Variants in TTC28 observed in about 807,000 individuals in gnomAD.
TTC28 encodes tetratricopeptide repeat protein 28.
Under a neutral mutation model 198.0 loss-of-function variants are expected in TTC28, and 61 were observed. The observed-to-expected ratio is 0.31, with a 90% confidence interval of 0.25 to 0.38. TTC28 has a LOEUF of 0.38. Ranked by LOEUF, TTC28 falls within the 10% of genes least tolerant of loss-of-function variation. The probability of loss-of-function intolerance (pLI) is 1.00; values close to 1 mark genes in which losing one functional copy is unlikely to be tolerated. For synonymous variants in TTC28, 1,171 were observed against 1,297.8 expected, an observed-to-expected ratio of 0.90 and a Z score of 2.10; for missense variants, 2,678 against 3,164.0, an observed-to-expected ratio of 0.85 and a Z score of 3.69.
At chr22:28,084,915 T>C (rs553305111) in intron 12 of TTC28, among the ~76,000 whole-genome samples, 4 of 152,220 alleles carry the variant, frequency 2.6e-5, no homozygotes, top group African/African-American at 9.6e-5. Context: ...GTATCAGTGA[T>C]GGAAGACGAA....
intron 12 of TTC28, among the ~76,000 whole-genome samples, chr22:28,036,429 A>G (rs1412058572): frequency 6.6e-6 from 1 of 152,242 alleles, no homozygotes; most frequent in Non-Finnish European, 1.5e-5. Context: ...CTGGGTACGT[A>G]ACAAAATGAA....
At chr22:28,133,082 G>C (rs1488227104) in intron 6 of TTC28, among the ~76,000 whole-genome samples, 1 of 152,200 alleles carries the variant, frequency 6.6e-6, no homozygotes, top group Non-Finnish European at 1.5e-5. Context: ...AATTAGCCAG[G>C]TGTGATGGCG....
intron 2 of TTC28, among the ~76,000 whole-genome samples, chr22:28,359,879 G>GA (rs1280696444): frequency 4.6e-5 from 7 of 152,100 alleles, no homozygotes; most frequent in Admixed American, 3.9e-4. Flanking sequence ...ACAGAGCTCA[G>GA]ATAGCTCCAT....
At chr22:28,646,220 A>G (rs2051464020) in intron 1 of TTC28, among the ~76,000 whole-genome samples, 1 of 152,180 alleles carries the variant, frequency 6.6e-6, no homozygotes, top group Non-Finnish European at 1.5e-5. Context: ...CAGGTTGCAA[A>G]ATCGATGTAC....
intron 12 of TTC28, among the ~76,000 whole-genome samples, chr22:28,053,039 T>C (rs1940145835): frequency 6.6e-6 from 1 of 152,268 alleles, no homozygotes; most frequent in Non-Finnish European, 1.5e-5. Context: ...TATTTGTTTC[T>C]AGGTTTACAA....
At chr22:28,660,154 C>A (rs1485202760) in intron 1 of TTC28, among the ~76,000 whole-genome samples, 1 of 152,156 alleles carries the variant, frequency 6.6e-6, no homozygotes, top group East Asian at 1.9e-4. Flanking sequence ...CTTTATTTCA[C>A]AAACCTGGTC....
rs1445614225 is a variant in TTC28, at chr22:27,981,017, A to C, written c.*1204T>G. 2.6e-5 allele frequency: 4 copies of C among 152,756 alleles called. No homozygotes were observed. The highest frequency in any genetic ancestry group is 9.6e-5 in the African/African-American group (4 of 41,476). 9.5% of individuals were successfully genotyped at this position (152,756 alleles called of 1,614,324 possible). On this transcript the variant is annotated 3_prime_UTR_variant, in exon 23 of 23. Transcript: ENST00000397906. ...TGGGGGAGGGGCCAGTCCTTCAGAC[A>C]GCAGGAGCACAGGAGGCTGGCCAGG...
chr22:28,262,929 G>A (rs1023383332), intron 5 of TTC28, among the ~76,000 whole-genome samples: 4 of 152,246 alleles, frequency 2.6e-5, no homozygotes, highest in African/African-American at 7.2e-5. Context: ...GAGTGGAAGC[G>A]AAGCTACAGA....
chr22:28,600,802 GCA>G (rs2050628001), intron 2 of TTC28, among the ~76,000 whole-genome samples: 1 of 152,140 alleles, frequency 6.6e-6, no homozygotes, highest in Non-Finnish European at 1.5e-5. Flanking sequence ...TCAACAATTT[GCA>G]GCTCTTAAAG....
chr22:28,512,827 T>C (rs1393938615), intron 2 of TTC28, among the ~76,000 whole-genome samples: 3 of 152,026 alleles, frequency 2.0e-5, no homozygotes, highest in Non-Finnish European at 2.9e-5. Context: ...GCTTAATACC[T>C]AGGTGAAGGG....
Position 28,219,047 on chromosome 22 carries a change from A to G in TTC28, c.934-55448T>C, listed in dbSNP as rs189688887. On this transcript the variant is annotated intron_variant, in intron 5 of 22. Transcript: ENST00000397906. ...TCCCTGAAAGGATCTCAGGAACCCC[A>G]AGGAATCCATGAACCATACTTTGAG... Among the ~76,000 whole-genome samples the G allele has an allele frequency of 2.1e-4, 32 of 152,296 alleles. No homozygotes were observed. In the East Asian group the frequency reaches 5.4e-3, roughly 26 times the overall value.
At chr22:28,193,705 G>A (rs1448565664) in intron 5 of TTC28, among the ~76,000 whole-genome samples, 2 of 152,166 alleles carry the variant, frequency 1.3e-5, no homozygotes, top group Non-Finnish European at 2.9e-5. Context: ...ATTACATAAT[G>A]TTAAAGGGAT....
At chr22:28,525,033 T>C (rs2048980215) in intron 2 of TTC28, among the ~76,000 whole-genome samples, 1 of 152,230 alleles carries the variant, frequency 6.6e-6, no homozygotes, top group South Asian at 2.1e-4. Context: ...AAAAAGTTCA[T>C]TGGGCTTACT....
intron 5 of TTC28, among the ~76,000 whole-genome samples, chr22:28,244,449 T>C (rs547209452): frequency 1.3e-5 from 2 of 152,194 alleles, no homozygotes; most frequent in East Asian, 3.9e-4. Context: ...AATCAGAAGG[T>C]AGGCCAAGGA....
At position 28,036,240 on chromosome 22, in the gene TTC28, A is replaced by G. The variant is rs183348291; in HGVS notation, c.3933-5874T>C. On this transcript the variant is annotated intron_variant, in intron 12 of 22. Coordinates refer to ENST00000397906, the MANE Select transcript of TTC28 (RefSeq NM_001145418.2). ...TTCTAAAATTGAATAATAAAATAAAATAAAATTGATTTACTACAAAATCGT... is the reference window on the plus strand; with the variant it reads ...TTCTAAAATTGAATAATAAAATAAAGTAAAATTGATTTACTACAAAATCGT... 1.4e-4 allele frequency among the ~76,000 whole-genome samples: 21 copies of G among 152,260 alleles called. No individual in the cohort carries two copies. The East Asian group carries it at 3.3e-3, about 24-fold the overall frequency.
chr22:28,001,481 G>A lies in TTC28; in HGVS notation c.4291C>T (p.Leu1431Phe). Residue 1431 changes from leucine (L) to phenylalanine (F), a missense_variant, in exon 15 of 23, where the codon CTC becomes TTC. Around this residue, in one of 8 missense-constraint regions of TTC28, gnomAD observed 727 missense variants for 861.9 expected, o/e 0.84. Coordinates refer to ENST00000397906, the MANE Select transcript of TTC28 (RefSeq NM_001145418.2). Reference sequence around the variant, plus strand: ...CCCTTCAGGAGGGCGAAAGGAATGAGGTAGAGCTCCCCCTCCAGAACCAGG... The same window carrying A: ...CCCTTCAGGAGGGCGAAAGGAATGAAGTAGAGCTCCCCCTCCAGAACCAGG... ...LILVLEGELY[L>F]IPFALLKGSS... The A allele has an allele frequency of 1.3e-6, 2 of 1,551,598 alleles. No homozygotes were observed. The highest frequency in any genetic ancestry group is 1.7e-6 in the Non-Finnish European group (2 of 1,146,990).
intron 7 of TTC28, 84 bp from the exon 8 acceptor site, chr22:28,105,886 T>C (rs947488005): frequency 2.1e-6 from 3 of 1,424,584 alleles, no homozygotes; most frequent in South Asian, 3.0e-5. Context: ...TGAAAAGCAT[T>C]TGTCACTGTC....
chr22:28,170,707 G>T (rs544827769), intron 5 of TTC28, among the ~76,000 whole-genome samples: 57 of 152,214 alleles, frequency 3.7e-4, no homozygotes, highest in African/African-American at 1.3e-3. Flanking sequence ...AGAGGGTCCT[G>T]CTCTCTTATC....
chr22:28,277,054 G>A (rs543715904), intron 5 of TTC28, among the ~76,000 whole-genome samples: 5 of 152,176 alleles, frequency 3.3e-5, no homozygotes, highest in African/African-American at 1.2e-4. Flanking sequence ...ATTAATTAGT[G>A]AAGTGTTATC....
Sources: gnomAD v4.1 joint callset for allele counts (sites outside exome capture counted in the v4.1 genomes callset) on GRCh38, gnomAD v4.1.1 for gene constraint, gnomAD v4.1.1 regional missense constraint, MANE v1.5 for transcripts, NCBI Gene and HGNC (gene_info 2026-07-23, HGNC 2026-07-21) for gene names.